The following DGKI variants were observed in gnomAD, a reference collection of about 807,000 sequenced individuals.
DGKI encodes DAG kinase iota.
DGKI carries 55 observed loss-of-function variants against 147.5 expected under a neutral mutation model. That is an observed-to-expected ratio of 0.37 (90% CI 0.30 to 0.47). The LOEUF is 0.47. Among genes scored for constraint, DGKI ranks in the 20% least tolerant of loss-of-function variants. The pLI is 1.00. For synonymous variants in DGKI, 469 were observed against 477.1 expected (o/e 0.98, Z 0.22); for missense variants, 1,007 against 1,323.8 (o/e 0.76, Z 3.71).
chr7:137,478,480 T>C (rs756303101), intron 23 of DGKI, among the ~76,000 whole-genome samples: 8 of 152,216 alleles, frequency 5.3e-5, no homozygotes, highest in Non-Finnish European at 8.8e-5. Context: ...GTGATGTTAA[T>C]AGACAGGTAT....
chr7:137,506,943 G>A (rs995526561), intron 21 of DGKI, among the ~76,000 whole-genome samples: 7 of 152,300 alleles, frequency 4.6e-5, no homozygotes, highest in Admixed American at 2.0e-4. Flanking sequence ...AGTTCCAAAT[G>A]TGCCAAGGTT....
At chr7:137,514,027 G>A in intron 21 of DGKI, 1 of 627,280 alleles carries the variant, frequency 1.6e-6, no homozygotes, top group East Asian at 3.2e-5. Context: ...GGGACTGCAT[G>A]CTACTGTCTA....
chr7:137,464,850 A>G (rs915127654), intron 26 of DGKI, among the ~76,000 whole-genome samples: 5 of 152,202 alleles, frequency 3.3e-5, no homozygotes, highest in Non-Finnish European at 7.3e-5. Flanking sequence ...TGCATTTACT[A>G]TTTGGGCACA....
intron 1 of DGKI, among the ~76,000 whole-genome samples, chr7:137,739,271 C>T (rs1211243949): frequency 6.6e-6 from 1 of 152,164 alleles, no homozygotes; most frequent in East Asian, 1.9e-4. Context: ...CATTTTTCAA[C>T]ATTCACATCA....
intron 1 of DGKI, among the ~76,000 whole-genome samples, chr7:137,796,782 T>C (rs1797046163): frequency 6.6e-6 from 1 of 151,538 alleles, no homozygotes; most frequent in South Asian, 2.1e-4. Context: ...CAGAAAAGAA[T>C]GAAGGAAAAT....
chr7:137,769,175 C>T (rs1044915657), intron 1 of DGKI, among the ~76,000 whole-genome samples: 2 of 152,078 alleles, frequency 1.3e-5, no homozygotes, highest in African/African-American at 2.4e-5. Flanking sequence ...AAGGGAGACA[C>T]GGGAGAAAAT....
In DGKI at chr7:137,770,727, G is replaced by C; in HGVS notation, c.401+75735C>G. Among the ~76,000 whole-genome samples, 2 of 69,454 alleles carry C rather than the reference G, an allele frequency of 2.9e-5. 1 individual carries two copies. Among genetic ancestry groups the C allele is most frequent in the East Asian group, 7.8e-4 (2 of 2,568 alleles). 45.6% of individuals were successfully genotyped at this position (69,454 alleles called of 152,430 possible). A position where few individuals can be genotyped will look rare whatever the true frequency, so the allele number is the denominator to read the frequency against. The stretch of plus-strand genomic sequence containing the variant: ...TTTTTGTATTTTTAGTAGAGACGGG[G>C]TTTCACCGTTTTAGCCGGGATGGTC... On this transcript the variant is annotated intron_variant, in intron 1 of 32. Transcript: ENST00000614521.
At chr7:137,721,439 C>T (rs1794554195) in intron 1 of DGKI, among the ~76,000 whole-genome samples, 1 of 152,130 alleles carries the variant, frequency 6.6e-6, no homozygotes, top group South Asian at 2.1e-4. Context: ...CACTTCTTCA[C>T]CCCAAGTCAC....
At chr7:137,823,561 G>A (rs1326174769) in intron 1 of DGKI, among the ~76,000 whole-genome samples, 3 of 152,224 alleles carry the variant, frequency 2.0e-5, no homozygotes, top group African/African-American at 4.8e-5. Flanking sequence ...GGAGGCTGGT[G>A]TTGTTCTTCT....
intron 1 of DGKI, among the ~76,000 whole-genome samples, chr7:137,753,516 C>A (rs1376696864): frequency 6.6e-6 from 1 of 152,256 alleles, no homozygotes; most frequent in East Asian, 1.9e-4. Flanking sequence ...TACCTCATTG[C>A]CCAAAGGAAC....
At chr7:137,427,037 GC>G (rs1191297914) in intron 28 of DGKI, among the ~76,000 whole-genome samples, 6 of 150,774 alleles carry the variant, frequency 4.0e-5, no homozygotes, top group African/African-American at 1.2e-4. Context: ...ACTCAGCTCT[GC>G]ACCAAGTGGA....
chr7:137,544,283 G>C (rs1160719877), intron 20 of DGKI, among the ~76,000 whole-genome samples: 2 of 151,980 alleles, frequency 1.3e-5, no homozygotes, highest in Non-Finnish European at 2.9e-5. Context: ...ACAATCAACG[G>C]AGCCACTAAA....
At chr7:137,474,509 G>A (rs1815099003) in intron 23 of DGKI, among the ~76,000 whole-genome samples, 1 of 152,176 alleles carries the variant, frequency 6.6e-6, no homozygotes, top group African/African-American at 2.4e-5. Flanking sequence ...GAGCAGGCTA[G>A]GGACAGAAAA....
At chr7:137,454,367 C>T (rs1205107633) in intron 27 of DGKI, among the ~76,000 whole-genome samples, 3 of 152,248 alleles carry the variant, frequency 2.0e-5, no homozygotes, top group African/African-American at 4.8e-5. Flanking sequence ...GAATGTCTTT[C>T]GAGTATAAAA....
At chr7:137,449,564 C>T (rs1434549888) in intron 27 of DGKI, among the ~76,000 whole-genome samples, 2 of 152,114 alleles carry the variant, frequency 1.3e-5, no homozygotes, top group African/African-American at 2.4e-5. Context: ...TCCACGACAT[C>T]GGTCTGGGCA....
intron 1 of DGKI, among the ~76,000 whole-genome samples, chr7:137,724,855 G>C (rs1433338315): frequency 6.6e-6 from 1 of 152,222 alleles, no homozygotes; most frequent in African/African-American, 2.4e-5. Context: ...TACAGGAACA[G>C]ATGAAAGCCA....
intron 21 of DGKI, among the ~76,000 whole-genome samples, chr7:137,511,239 T>A (rs1240203388): frequency 2.0e-5 from 3 of 152,218 alleles, no homozygotes; most frequent in Non-Finnish European, 4.4e-5. Flanking sequence ...AAAATACACA[T>A]CCCATTGAGA....
At chr7:137,700,087 C>T (rs1823925050) in intron 1 of DGKI, among the ~76,000 whole-genome samples, 1 of 152,166 alleles carries the variant, frequency 6.6e-6, no homozygotes, top group Admixed American at 6.5e-5. Context: ...ACTTCGATGT[C>T]AGGCCTAGGC....
At position 137,768,192 on chromosome 7, in the gene DGKI, T is replaced by C. The variant is rs79424782; in HGVS notation, c.402-78190A>G. Among the ~76,000 whole-genome samples, 1,224 of 152,280 alleles carry C rather than the reference T, an allele frequency of 8.0e-3. 16 individuals are homozygous for C. The highest frequency in any genetic ancestry group is 0.028 in the African/African-American group (1,178 of 41,554). ...GGTATTAGGTCGGTACCTAATACTA[T>C]CATCTTGGCAAAACCAAAATTACTT... is the stretch of plus-strand genomic sequence containing the variant. On this transcript the variant is annotated intron_variant, in intron 1 of 32. Transcript: ENST00000614521.
Sources: gnomAD v4.1 joint callset for allele counts (sites outside exome capture counted in the v4.1 genomes callset) on GRCh38, gnomAD v4.1.1 for gene constraint, MANE v1.5 for transcripts, NCBI Gene and HGNC (gene_info 2026-07-23, HGNC 2026-07-21) for gene names.